Variants in TTLL5 observed in about 807,000 individuals in gnomAD.
TTLL5 encodes tubulin tyrosine ligase like 5, also known as tubulin polyglutamylase TTLL5.
In TTLL5, 132 loss-of-function variants were observed where a neutral mutation model predicts 168.4. That is an observed-to-expected ratio of 0.78 (90% CI 0.68 to 0.91). The LOEUF is 0.91. Ranked by LOEUF, TTLL5 falls within the 40% of genes least tolerant of loss-of-function variation. The pLI is 0.00. For synonymous variants in TTLL5, 546 were observed against 558.6 expected (o/e 0.98, Z 0.32); for missense variants, 1,545 against 1,581.5 (o/e 0.98, Z 0.39).
At chr14:75,688,587 A>C (rs1364132307) in intron 5 of TTLL5, among the ~76,000 whole-genome samples, 2 of 152,162 alleles carry the variant, frequency 1.3e-5, no homozygotes, top group Non-Finnish European at 2.9e-5. Context: ...AGCACAGGTA[A>C]AACAACTTGG....
At chr14:75,827,626 A>G (rs530652649) in intron 28 of TTLL5, among the ~76,000 whole-genome samples, 47 of 148,354 alleles carry the variant, frequency 3.2e-4, no homozygotes, top group African/African-American at 1.0e-3. Flanking sequence ...GGGACTACTC[A>G]TGGTTTTCAT....
chr14:75,872,491 C>T (rs897717937), intron 29 of TTLL5, among the ~76,000 whole-genome samples: 6 of 152,116 alleles, frequency 3.9e-5, no homozygotes, highest in African/African-American at 1.4e-4. Context: ...GAACAAATTT[C>T]CTAACATTTT....
chr14:75,673,053 C>T (rs1883865875), intron 3 of TTLL5, among the ~76,000 whole-genome samples: 2 of 151,846 alleles, frequency 1.3e-5, no homozygotes, highest in African/African-American at 4.8e-5. Flanking sequence ...ATCCTCCTGC[C>T]CCAGCCTCCT....
At chr14:75,855,043 C>G (rs1897059298) in intron 28 of TTLL5, among the ~76,000 whole-genome samples, 1 of 150,954 alleles carries the variant, frequency 6.6e-6, no homozygotes. Flanking sequence ...GTCTTGAAAT[C>G]AGGTGATGTA....
chr14:75,922,527 ATTACG>A (rs1353244620), intron 31 of TTLL5, among the ~76,000 whole-genome samples: 1 of 152,160 alleles, frequency 6.6e-6, no homozygotes, highest in Non-Finnish European at 1.5e-5. Flanking sequence ...TATGTGATGG[ATTACG>A]TTTGTTGATT....
At chr14:75,892,671 G>A (rs2032459978) in intron 30 of TTLL5, among the ~76,000 whole-genome samples, 1 of 152,184 alleles carries the variant, frequency 6.6e-6, no homozygotes, top group Admixed American at 6.5e-5. Flanking sequence ...TGGCAAGGTT[G>A]AAAACCCTGC....
intron 3 of TTLL5, among the ~76,000 whole-genome samples, chr14:75,678,436 A>G (rs1483925124): frequency 6.6e-6 from 1 of 152,210 alleles, no homozygotes; most frequent in Non-Finnish European, 1.5e-5. Flanking sequence ...TAATCCATAG[A>G]TCTAATCTAT....
rs572576802 is a variant in TTLL5, at chr14:75,743,651, A to G, written c.1282-1444A>G. The stretch of plus-strand genomic sequence containing the variant: ...GGCTGGAGTGCAGTGGCGTGATCTC[A>G]GCTCACTGCATGCTCCGCCTCCTGG... On this transcript the variant is annotated intron_variant, in intron 15 of 31. Coordinates refer to ENST00000298832, the MANE Select transcript of TTLL5 (RefSeq NM_015072.5). Among the ~76,000 whole-genome samples, 8 of 130,140 alleles carry G rather than the reference A, an allele frequency of 6.1e-5. No individual in the cohort carries two copies. In the East Asian group the frequency reaches 6.7e-4, roughly 11 times the overall value. 85.4% of individuals were successfully genotyped at this position (130,140 alleles called of 152,430 possible).
intron 3 of TTLL5, among the ~76,000 whole-genome samples, chr14:75,679,982 C>G (rs1424025327): frequency 1.3e-5 from 2 of 152,180 alleles, no homozygotes; most frequent in Non-Finnish European, 2.9e-5. Flanking sequence ...TTCACATAAA[C>G]TTGAAAGAGA....
chr14:75,732,000 CTTTTT>C (rs762598685), intron 12 of TTLL5, among the ~76,000 whole-genome samples: 1 of 129,574 alleles, frequency 7.7e-6, no homozygotes, highest in Admixed American at 7.8e-5. Flanking sequence ...TTCCCCGCCT[CTTTTT>C]TTTTTTTTTT....
intron 31 of TTLL5, among the ~76,000 whole-genome samples, chr14:75,905,355 T>C (rs919136333): frequency 6.6e-6 from 1 of 152,224 alleles, no homozygotes; most frequent in Non-Finnish European, 1.5e-5. Context: ...GTGACTGTTC[T>C]CTCGCAGTCT....
intron 22 of TTLL5, 40 bp downstream of exon 22, chr14:75,775,670 T>C: frequency 6.2e-7 from 1 of 1,610,152 alleles, no homozygotes; most frequent in South Asian, 1.1e-5. Context: ...TGGATTGCCA[T>C]ACACTGTCAG....
At chr14:75,781,282 A>G (rs1043439993) in intron 24 of TTLL5, among the ~76,000 whole-genome samples, 13 of 152,210 alleles carry the variant, frequency 8.5e-5, no homozygotes, top group Admixed American at 8.5e-4. Flanking sequence ...TAAACTTGTT[A>G]AGGATAACTG....
intron 29 of TTLL5, among the ~76,000 whole-genome samples, chr14:75,864,731 C>T (rs951982769): frequency 6.6e-6 from 1 of 152,106 alleles, no homozygotes; most frequent in African/African-American, 2.4e-5. Context: ...ATAAGCTTTT[C>T]TGACATTTGG....
chr14:75,930,650 AGT>A lies in TTLL5; in HGVS notation c.3824-23772_3824-23771del, dbSNP rs1347891776. 3.1e-5 allele frequency: 31 copies of A among 985,398 alleles called. No individual in the cohort carries two copies. The African/African-American group carries it at 4.9e-4, about 16-fold the overall frequency. 61.0% of individuals were successfully genotyped at this position (985,398 alleles called of 1,614,324 possible). A position where few individuals can be genotyped will look rare whatever the true frequency, so the allele number is the denominator to read the frequency against. On this transcript the variant is annotated intron_variant, in intron 31 of 31. Transcript: ENST00000298832. ...TGGATCAGAGGTCAAGTGGGAGATA[AGT>A]GACGGGGGGAAATGCAAAAATAGGA... is the stretch of plus-strand genomic sequence containing the variant.
At chr14:75,739,219 C>T (rs1889097009) in intron 15 of TTLL5, among the ~76,000 whole-genome samples, 1 of 152,020 alleles carries the variant, frequency 6.6e-6, no homozygotes, top group Admixed American at 6.5e-5. Context: ...AGAGCAAGAC[C>T]TCTCTTTAGT....
At chr14:75,830,709 C>T (rs1311940870) in intron 28 of TTLL5, among the ~76,000 whole-genome samples, 1 of 152,194 alleles carries the variant, frequency 6.6e-6, no homozygotes, top group Non-Finnish European at 1.5e-5. Flanking sequence ...TACTTTCTAT[C>T]ACTCTTTCAC....
In TTLL5 at chr14:75,882,716, C is replaced by T; in HGVS notation, c.3554C>T (p.Ser1185Phe). ...AIFGSQTLPN[S>F]NLWTMNNGAG... The stretch of plus-strand genomic sequence containing the variant: ...TTTGGCAGCCAGACACTACCTAACT[C>T]CAATTTATGGACAATGAATAATGGT... The change falls in exon 30 of 32, where the codon TCC becomes TTC. Residue 1185 changes from serine (S) to phenylalanine (F), a missense_variant. Ser to Phe is a radical substitution (Grantham distance 155, BLOSUM62 -2). Transcript: ENST00000298832. 6.2e-7 allele frequency: 1 copy of T among 1,613,274 alleles called. No individual in the cohort carries two copies.
chr14:75,725,220 C>T (rs755949983), intron 12 of TTLL5, among the ~76,000 whole-genome samples: 1 of 152,186 alleles, frequency 6.6e-6, no homozygotes. Flanking sequence ...GGGAGGATGT[C>T]CATAAATAAT....
Sources: gnomAD v4.1 joint callset for allele counts (sites outside exome capture counted in the v4.1 genomes callset) on GRCh38, gnomAD v4.1.1 for gene constraint, MANE v1.5 for transcripts, NCBI Gene and HGNC (gene_info 2026-07-23, HGNC 2026-07-21) for gene names.